Variants in CMKLR1 observed in about 807,000 individuals in gnomAD.
CMKLR1 encodes chemerin chemokine-like receptor 1, also known as chemerin-like receptor 1.
A neutral mutation model predicts 8.2 loss-of-function variants in CMKLR1; 6 were observed. That is an observed-to-expected ratio of 0.73 (90% CI 0.40 to 1.44). The LOEUF (loss-of-function observed/expected upper bound fraction) is 1.44, where lower values mean the gene tolerates loss of function less well. Among genes scored for constraint, CMKLR1 ranks in the 40% most tolerant of loss-of-function variants. The pLI is 0.02. For missense variants in CMKLR1, 429 were observed against 478.0 expected (o/e 0.90, Z 0.96); for synonymous variants, 178 against 181.2 (o/e 0.98, Z 0.14).
At chr12:108,303,998 C>A (rs568225591) in intron 2 of CMKLR1, among the ~76,000 whole-genome samples, 1 of 152,200 alleles carries the variant, frequency 6.6e-6, no homozygotes, top group African/African-American at 2.4e-5. Flanking sequence ...CCTAACCCTG[C>A]AAGGTCACTG....
chr12:108,297,632 G>C (rs986118164), intron 2 of CMKLR1, among the ~76,000 whole-genome samples: 6 of 152,180 alleles, frequency 3.9e-5, no homozygotes, highest in African/African-American at 1.4e-4. Flanking sequence ...CAGAGAGGTG[G>C]ATACACTTGC....
chr12:108,323,026 C>T (rs897683127), intron 2 of CMKLR1, among the ~76,000 whole-genome samples: 1 of 152,160 alleles, frequency 6.6e-6, no homozygotes. Context: ...CAGACAGTGC[C>T]CACCTGAATC....
intron 2 of CMKLR1, among the ~76,000 whole-genome samples, chr12:108,323,908 T>C (rs1221339470): frequency 6.6e-6 from 1 of 152,158 alleles, no homozygotes; most frequent in Non-Finnish European, 1.5e-5. Flanking sequence ...CCTGGAGGAA[T>C]AGGCTGGCCC....
intron 2 of CMKLR1, among the ~76,000 whole-genome samples, chr12:108,307,565 C>G (rs1381525277): frequency 6.6e-6 from 1 of 152,192 alleles, no homozygotes; most frequent in African/African-American, 2.4e-5. Context: ...CTCTGGAGCC[C>G]TTGTGTTTGA....
intron 2 of CMKLR1, among the ~76,000 whole-genome samples, chr12:108,310,163 C>T (rs1358850050): frequency 7.0e-6 from 1 of 142,418 alleles, no homozygotes; most frequent in Non-Finnish European, 1.5e-5. Flanking sequence ...TGGTTAGGGG[C>T]TGTGTGTGTG....
chr12:108,295,647 A>G (rs987658713), intron 2 of CMKLR1, among the ~76,000 whole-genome samples: 3 of 152,204 alleles, frequency 2.0e-5, no homozygotes, highest in Admixed American at 1.3e-4. Context: ...AAGGACAAGT[A>G]TGAGTTAAGA....
chr12:108,301,480 C>G (rs1593161668), intron 2 of CMKLR1, among the ~76,000 whole-genome samples: 1 of 152,142 alleles, frequency 6.6e-6, no homozygotes, highest in African/African-American at 2.4e-5. Context: ...GAAAATGCCA[C>G]CCAGGCCACC....
chr12:108,291,872 G>C lies in CMKLR1; in HGVS notation c.1091C>G (p.Ser364Cys). Residue 364 changes from serine to cysteine, a missense_variant, in exon 4 of 4, where the codon TCT becomes TGT. Coordinates refer to ENST00000550402, the MANE Select transcript of CMKLR1 (RefSeq NM_001142343.2). The stretch of plus-strand genomic sequence containing the variant: ...CATGCCGGTCTCCCTCTCATTCATA[G>C]AAGTCCTCTCATTCATTGATGACAT... ...TKMSSMNERT[S>C]MNERETGML 2 of 1,613,978 alleles carry C rather than the reference G, an allele frequency of 1.2e-6. No homozygotes were observed. Among genetic ancestry groups the C allele is most frequent in the South Asian group, 2.2e-5 (2 of 91,040 alleles).
intron 2 of CMKLR1, among the ~76,000 whole-genome samples, chr12:108,322,621 G>A (rs1891888695): frequency 6.6e-6 from 1 of 151,968 alleles, no homozygotes; most frequent in South Asian, 2.1e-4. Flanking sequence ...GGCTTACTCT[G>A]TTAGTTCCCA....
chr12:108,324,695 T>C (rs1191786049), intron 2 of CMKLR1, among the ~76,000 whole-genome samples: 1 of 152,088 alleles, frequency 6.6e-6, no homozygotes, highest in African/African-American at 2.4e-5. Context: ...ATAAAACACA[T>C]GGTCTTGAAA....
At chr12:108,299,608 C>T (rs1392244500) in intron 2 of CMKLR1, among the ~76,000 whole-genome samples, 4 of 152,026 alleles carry the variant, frequency 2.6e-5, no homozygotes. Context: ...ATGAGATCAT[C>T]CGGGATTAGA....
At chr12:108,306,386 A>T (rs974325738) in intron 2 of CMKLR1, among the ~76,000 whole-genome samples, 5 of 141,520 alleles carry the variant, frequency 3.5e-5, no homozygotes, top group African/African-American at 1.2e-4. Flanking sequence ...AGTTCTCGTT[A>T]ATCACCTCAT....
chr12:108,316,350 G>A (rs1891729975), intron 2 of CMKLR1, among the ~76,000 whole-genome samples: 4 of 152,270 alleles, frequency 2.6e-5, no homozygotes, highest in South Asian at 2.1e-4. Context: ...CCAAGAAAGA[G>A]CAGAGAGAAC....
At chr12:108,294,646 C>T (rs1891082393) in intron 2 of CMKLR1, among the ~76,000 whole-genome samples, 1 of 152,128 alleles carries the variant, frequency 6.6e-6, no homozygotes, top group Non-Finnish European at 1.5e-5. Flanking sequence ...ACATAGTAAG[C>T]CCTCAATAAA....
chr12:108,288,287 C>T lies in CMKLR1; in HGVS notation c.*3554G>A, dbSNP rs965005927. The T allele has an allele frequency of 6.6e-6, 1 of 152,242 alleles. No homozygotes were observed. Among genetic ancestry groups the T allele is most frequent in the Non-Finnish European group, 1.5e-5 (1 of 68,094 alleles). 9.4% of individuals were successfully genotyped at this position (152,242 alleles called of 1,614,324 possible). A position where few individuals can be genotyped will look rare whatever the true frequency, so the allele number is the denominator to read the frequency against. On this transcript the variant is annotated 3_prime_UTR_variant, in exon 4 of 4. Transcript: ENST00000550402. ...GGAGGCAGGGCAGGAGTTGAGGAAT[C>T]ACCGACCACTTTCATCCAAACCAGA...
chr12:108,331,716 T>C (rs1453437365), intron 1 of CMKLR1, among the ~76,000 whole-genome samples: 1 of 152,018 alleles, frequency 6.6e-6, no homozygotes, highest in Non-Finnish European at 1.5e-5. Context: ...AGAGTCAAAG[T>C]GATTTGATGT....
intron 2 of CMKLR1, among the ~76,000 whole-genome samples, chr12:108,313,412 A>G (rs1891635655): frequency 6.6e-6 from 1 of 152,256 alleles, no homozygotes; most frequent in African/African-American, 2.4e-5. Flanking sequence ...GGCTCAGTGC[A>G]GCTGACAGCT....
Position 108,289,148 on chromosome 12 carries a change from A to G in CMKLR1, c.*2693T>C, listed in dbSNP as rs1890887956. The G allele has an allele frequency of 6.6e-6, 1 of 150,932 alleles. No individual in the cohort carries two copies. The highest frequency in any genetic ancestry group is 2.1e-4 in the South Asian group (1 of 4,728). The allele number at this position is 150,932 out of a possible 1,614,324, so 9.3% of individuals were successfully genotyped here. ...CACCATCTTCTTTTCTTTTCCCTCT[A>G]CCTCTTGTCCTCACGATCCCTCAGC... On this transcript the variant is annotated 3_prime_UTR_variant, in exon 4 of 4. Coordinates refer to ENST00000550402, the MANE Select transcript of CMKLR1 (RefSeq NM_001142343.2).
In CMKLR1 at chr12:108,292,398, A is replaced by AGGATATTTT; in HGVS notation, c.556_564dup (p.Lys186_Ser188dup). 1 of 1,614,196 alleles carries AGGATATTTT rather than the reference A, an allele frequency of 6.2e-7. No homozygotes were observed. Among genetic ancestry groups the AGGATATTTT allele is most frequent in the Non-Finnish European group, 8.5e-7 (1 of 1,180,034 alleles). ...GTGGACAGGCTGAAGTTGTTGAAGC[A>AGGATATTTT]GGATATTTTCCCATGCAGGTTGGCT... On this transcript the variant is annotated inframe_insertion, in exon 4 of 4. Coordinates refer to ENST00000550402, the MANE Select transcript of CMKLR1 (RefSeq NM_001142343.2).
Sources: allele counts gnomAD v4.1 joint callset (sites outside exome capture counted in the v4.1 genomes callset), GRCh38; gene constraint gnomAD v4.1.1; transcripts MANE v1.5; gene names NCBI Gene and HGNC (gene_info 2026-07-23, HGNC 2026-07-21).